The following KIAA1958 variants were observed in gnomAD, a reference collection of about 807,000 sequenced individuals.
KIAA1958 encodes KIAA1958, also known as uncharacterized protein KIAA1958.
A neutral mutation model predicts 47.2 loss-of-function variants in KIAA1958; 14 were observed. The ratio of observed to expected loss-of-function variants is 0.30; its 90% CI spans 0.20 to 0.46. The LOEUF is 0.46. KIAA1958 is among the 20% of genes least tolerant of loss of function. The probability of loss-of-function intolerance (pLI) is 1.00; values close to 1 mark genes in which losing one functional copy is unlikely to be tolerated. For synonymous variants in KIAA1958, 354 were observed against 353.3 expected (o/e 1.00, Z -0.02); for missense variants, 803 against 909.2 (o/e 0.88, Z 1.50).
chr9:112,598,401 C>T (rs1027689432), intron 2 of KIAA1958, among the ~76,000 whole-genome samples: 5 of 152,102 alleles, frequency 3.3e-5, no homozygotes, highest in African/African-American at 1.2e-4. Flanking sequence ...AATAGGAATT[C>T]AGGGAAGGAA....
intron 1 of KIAA1958, among the ~76,000 whole-genome samples, chr9:112,572,526 G>A (rs953491352): frequency 2.6e-5 from 4 of 152,178 alleles, no homozygotes; most frequent in Admixed American, 1.3e-4. Flanking sequence ...TAACAGTACA[G>A]CAAAGGCAAA....
chr9:112,531,271 C>G (rs1274077290), intron 1 of KIAA1958, among the ~76,000 whole-genome samples: 4 of 152,078 alleles, frequency 2.6e-5, no homozygotes, highest in African/African-American at 9.7e-5. Context: ...GCCTGTAATC[C>G]CAGCTACTCA....
intron 1 of KIAA1958, among the ~76,000 whole-genome samples, chr9:112,566,473 A>C (rs1293662168): frequency 2.0e-5 from 3 of 152,074 alleles, no homozygotes; most frequent in Non-Finnish European, 4.4e-5. Flanking sequence ...ATCTTCATCC[A>C]AATATTGTGC....
At chr9:112,561,809 C>T (rs1238432941) in intron 1 of KIAA1958, among the ~76,000 whole-genome samples, 1 of 152,164 alleles carries the variant, frequency 6.6e-6, no homozygotes, top group Non-Finnish European at 1.5e-5. Flanking sequence ...GAGCCGAGAT[C>T]GTGCCATTGC....
intron 1 of KIAA1958, among the ~76,000 whole-genome samples, chr9:112,544,769 T>C: frequency 6.6e-6 from 1 of 152,208 alleles, no homozygotes; most frequent in Non-Finnish European, 1.5e-5. Flanking sequence ...GGAAAGCAGC[T>C]GACCAAGGAA....
chr9:112,580,679 C>T (rs1298806239), intron 2 of KIAA1958, among the ~76,000 whole-genome samples: 3 of 151,772 alleles, frequency 2.0e-5, no homozygotes, highest in Admixed American at 1.3e-4. Flanking sequence ...CCCAGCTATT[C>T]GGCAGGCTGA....
chr9:112,629,887 T>G (rs1401191692), intron 2 of KIAA1958, among the ~76,000 whole-genome samples: 1 of 152,232 alleles, frequency 6.6e-6, no homozygotes, highest in Non-Finnish European at 1.5e-5. Context: ...TTTGTCTGTA[T>G]TTGGGCATGA....
chr9:112,601,352 ACTTT>A (rs1467618359), intron 2 of KIAA1958, among the ~76,000 whole-genome samples: 1 of 152,180 alleles, frequency 6.6e-6, no homozygotes, highest in Non-Finnish European at 1.5e-5. Context: ...GGAAATAAAA[ACTTT>A]CAGACCAGAA....
chr9:112,503,515 C>T (rs796297839), intron 1 of KIAA1958, among the ~76,000 whole-genome samples: 14 of 149,156 alleles, frequency 9.4e-5, no homozygotes, highest in African/African-American at 3.2e-4. Context: ...CAAGTGTGGT[C>T]GTGCATACCT....
At position 112,660,092 on chromosome 9, in the gene KIAA1958, T is replaced by G. The variant is rs746071103; in HGVS notation, c.*23T>G. 3.7e-6 allele frequency: 6 copies of G among 1,602,170 alleles called. No homozygotes were observed. Among genetic ancestry groups the G allele is most frequent in the Non-Finnish European group, 4.3e-6 (5 of 1,173,846 alleles). On this transcript the variant is annotated 3_prime_UTR_variant, in exon 4 of 4. Transcript: ENST00000337530. Reference sequence around the variant, plus strand: ...TGAGCCCCCACTGGGGCCCGGCCACTGCCCTGTCACCTGCTCGGGCCAGCC... The same window carrying G: ...TGAGCCCCCACTGGGGCCCGGCCACGGCCCTGTCACCTGCTCGGGCCAGCC...
chr9:112,506,608 T>C (rs1834239188), intron 1 of KIAA1958, among the ~76,000 whole-genome samples: 1 of 152,188 alleles, frequency 6.6e-6, no homozygotes, highest in Non-Finnish European at 1.5e-5. Context: ...GTTCCGTTAC[T>C]TTTTTTACTG....
At chr9:112,634,235 G>T (rs1210325915) in intron 2 of KIAA1958, among the ~76,000 whole-genome samples, 2 of 152,070 alleles carry the variant, frequency 1.3e-5, no homozygotes, top group African/African-American at 4.8e-5. Flanking sequence ...TTCAAATTTT[G>T]TCCTTTTTTT....
intron 2 of KIAA1958, among the ~76,000 whole-genome samples, chr9:112,605,734 T>G (rs1022194618): frequency 3.3e-5 from 5 of 152,192 alleles, no homozygotes; most frequent in African/African-American, 9.7e-5. Context: ...AAATTTTGTT[T>G]CCATTGCAGG....
intron 2 of KIAA1958, among the ~76,000 whole-genome samples, chr9:112,576,252 T>G (rs962602832): frequency 6.6e-6 from 1 of 152,198 alleles, no homozygotes; most frequent in Non-Finnish European, 1.5e-5. Flanking sequence ...GAAGACATAG[T>G]CATGGTGTTA....
intron 1 of KIAA1958, among the ~76,000 whole-genome samples, chr9:112,560,766 C>G (rs959270081): frequency 1.3e-5 from 2 of 152,082 alleles, no homozygotes; most frequent in Admixed American, 1.3e-4. Context: ...ATCTATTATC[C>G]TGAGTCTGTG....
intron 2 of KIAA1958, chr9:112,618,000 A>T: frequency 2.6e-6 from 4 of 1,550,548 alleles, no homozygotes; most frequent in Non-Finnish European, 3.5e-6. Context: ...AGAGAGATTT[A>T]TGTCATCCCT....
chr9:112,562,631 C>T (rs1278314196), intron 1 of KIAA1958, among the ~76,000 whole-genome samples: 1 of 152,170 alleles, frequency 6.6e-6, no homozygotes, highest in African/African-American at 2.4e-5. Flanking sequence ...AAGCTTTTAT[C>T]TGCGTTGGTC....
chr9:112,657,490 A>G (rs1346621333), intron 3 of KIAA1958, among the ~76,000 whole-genome samples: 2 of 152,164 alleles, frequency 1.3e-5, no homozygotes, highest in African/African-American at 4.8e-5. Flanking sequence ...ATGTCATTCA[A>G]AACTATGATG....
intron 1 of KIAA1958, among the ~76,000 whole-genome samples, chr9:112,561,703 A>C (rs1835335008): frequency 6.6e-6 from 1 of 152,132 alleles, no homozygotes; most frequent in South Asian, 2.1e-4. Flanking sequence ...AAAAATACAA[A>C]AATTAGCCAG....
Sources: allele counts gnomAD v4.1 joint callset (sites outside exome capture counted in the v4.1 genomes callset), GRCh38; gene constraint gnomAD v4.1.1; transcripts MANE v1.5; gene names NCBI Gene and HGNC (gene_info 2026-07-23, HGNC 2026-07-21).